FHOD3: variants seen among roughly 807,000 people sequenced by gnomAD.
FHOD3 encodes FH1/FH2 domain-containing protein 3.
A neutral mutation model predicts 173.0 loss-of-function variants in FHOD3; 90 were observed. The ratio of observed to expected loss-of-function variants is 0.52; its 90% CI spans 0.44 to 0.62. The LOEUF (loss-of-function observed/expected upper bound fraction) is 0.62. Ranked by LOEUF, FHOD3 falls within the 20% of genes least tolerant of loss-of-function variation. The pLI is 0.00. For missense variants in FHOD3, 1,945 were observed against 2,034.7 expected (o/e 0.96, Z 0.85); for synonymous variants, 828 against 823.0 (o/e 1.01, Z -0.10).
intron 1 of FHOD3, among the ~76,000 whole-genome samples, chr18:36,327,479 C>G (rs1012551263): frequency 6.6e-6 from 1 of 152,262 alleles, no homozygotes; most frequent in African/African-American, 2.4e-5. Context: ...GTTTTACCTA[C>G]AAAATCTCAA....
intron 23 of FHOD3, 79 bp downstream of exon 23, chr18:36,744,272 G>A (rs1056276399): frequency 9.5e-6 from 14 of 1,477,828 alleles, no homozygotes; most frequent in African/African-American, 8.4e-5. Flanking sequence ...CGAGGAACAC[G>A]AGCCCTATTA....
intron 3 of FHOD3, among the ~76,000 whole-genome samples, chr18:36,376,229 C>T (rs1268648763): frequency 6.6e-6 from 1 of 152,128 alleles, no homozygotes; most frequent in Non-Finnish European, 1.5e-5. Context: ...GGTTTGAAGT[C>T]GTTAAGACCC....
At chr18:36,733,645 G>C (rs767961994) in intron 20 of FHOD3, among the ~76,000 whole-genome samples, 7 of 152,068 alleles carry the variant, frequency 4.6e-5, no homozygotes, top group Non-Finnish European at 1.0e-4. Flanking sequence ...ATTTTTTCTT[G>C]TCTGGCTGGT....
intron 1 of FHOD3, among the ~76,000 whole-genome samples, chr18:36,320,415 C>T (rs555462948): frequency 6.6e-6 from 1 of 152,132 alleles, no homozygotes; most frequent in Admixed American, 6.5e-5. Context: ...ACACATACAC[C>T]CTCCCAAGAC....
At chr18:36,481,844 G>T (rs554363494) in intron 3 of FHOD3, among the ~76,000 whole-genome samples, 1 of 152,136 alleles carries the variant, frequency 6.6e-6, no homozygotes, top group African/African-American at 2.4e-5. Flanking sequence ...TATTGAATCA[G>T]AGGCAGTCTT....
chr18:36,774,325 C>T (rs763737114), intron 28 of FHOD3, among the ~76,000 whole-genome samples: 4 of 152,224 alleles, frequency 2.6e-5, no homozygotes, highest in Non-Finnish European at 4.4e-5. Context: ...TGGCAGAAAG[C>T]GCCTAATGCC....
At chr18:36,590,321 C>T (rs567379009) in intron 6 of FHOD3, among the ~76,000 whole-genome samples, 44 of 152,246 alleles carry the variant, frequency 2.9e-4, no homozygotes, top group African/African-American at 9.6e-4. Flanking sequence ...AGGGTTTTGA[C>T]TGCATTCCAG....
chr18:36,521,858 G>A (rs2056292398), intron 5 of FHOD3, among the ~76,000 whole-genome samples: 2 of 152,148 alleles, frequency 1.3e-5, no homozygotes, highest in Admixed American at 1.3e-4. Flanking sequence ...GTCCACTGCA[G>A]CCACTCCCTG....
intron 5 of FHOD3, among the ~76,000 whole-genome samples, chr18:36,550,462 C>A (rs1358511863): frequency 6.6e-6 from 1 of 150,828 alleles, no homozygotes; most frequent in Non-Finnish European, 1.5e-5. Context: ...GGTTTTTTTT[C>A]TGTAAATTTC....
chr18:36,476,655 C>T (rs903482380), intron 3 of FHOD3, among the ~76,000 whole-genome samples: 3 of 152,278 alleles, frequency 2.0e-5, no homozygotes, highest in Non-Finnish European at 4.4e-5. Flanking sequence ...AATTTCATGT[C>T]GATTAGCTAC....
chr18:36,451,606 C>T (rs1425558605), intron 3 of FHOD3, among the ~76,000 whole-genome samples: 2 of 152,206 alleles, frequency 1.3e-5, no homozygotes, highest in African/African-American at 4.8e-5. Context: ...TTTTGCCTCC[C>T]TCCTCTTCCT....
intron 2 of FHOD3, among the ~76,000 whole-genome samples, chr18:36,364,611 C>T (rs759008185): frequency 2.2e-4 from 34 of 152,164 alleles, no homozygotes; most frequent in Non-Finnish European, 4.6e-4. Flanking sequence ...TTTCCAGAAG[C>T]TCCACCAGTG....
chr18:36,592,218 C>G (rs2059242691), intron 6 of FHOD3, among the ~76,000 whole-genome samples: 1 of 151,734 alleles, frequency 6.6e-6, no homozygotes, highest in Non-Finnish European at 1.5e-5. Context: ...GACTCCATCT[C>G]AAAAAAAATA....
At chr18:36,382,342 G>C (rs2047832678) in intron 3 of FHOD3, among the ~76,000 whole-genome samples, 1 of 152,166 alleles carries the variant, frequency 6.6e-6, no homozygotes, top group African/African-American at 2.4e-5. Flanking sequence ...AGCTGGGTCT[G>C]GCTGCGTTTT....
intron 4 of FHOD3, among the ~76,000 whole-genome samples, chr18:36,508,334 C>T (rs76329618): frequency 0.045 from 6,749 of 151,008 alleles, 181 homozygotes; most frequent in Non-Finnish European, 0.059. Flanking sequence ...CCACTAGCAA[C>T]GAGATTGTGG....
chr18:36,449,793 G>A (rs560461688), intron 3 of FHOD3, among the ~76,000 whole-genome samples: 34 of 152,112 alleles, frequency 2.2e-4, no homozygotes, highest in South Asian at 1.7e-3. Context: ...AGTTCATTTT[G>A]ATGATTGATT....
At chr18:36,663,124 C>CT (rs925347683) in intron 14 of FHOD3, among the ~76,000 whole-genome samples, 3 of 152,078 alleles carry the variant, frequency 2.0e-5, no homozygotes, top group African/African-American at 4.8e-5. Context: ...TGAAGAAAGC[C>CT]TTTTTTCTCC....
At chr18:36,486,219 A>G (rs1244347151) in intron 3 of FHOD3, among the ~76,000 whole-genome samples, 1 of 152,120 alleles carries the variant, frequency 6.6e-6, no homozygotes, top group Non-Finnish European at 1.5e-5. Flanking sequence ...TTTGGCCCCA[A>G]CTGGCTTCTC....
intron 3 of FHOD3, among the ~76,000 whole-genome samples, chr18:36,380,078 A>G (rs879504133): frequency 3.3e-5 from 5 of 152,220 alleles, no homozygotes; most frequent in African/African-American, 1.2e-4. Flanking sequence ...GAAAAAAAAC[A>G]TATAGAAAGC....
Sources: allele counts gnomAD v4.1 joint callset (sites outside exome capture counted in the v4.1 genomes callset), GRCh38; gene constraint gnomAD v4.1.1; transcripts MANE v1.5; gene names NCBI Gene and HGNC (gene_info 2026-07-23, HGNC 2026-07-21).